SPG21: variants seen among roughly 807,000 people sequenced by gnomAD.
SPG21 encodes the protein maspardin.
SPG21 carries 26 observed loss-of-function variants against 38.9 expected under a neutral mutation model. That is an observed-to-expected ratio of 0.67 (90% confidence interval 0.49 to 0.93). The LOEUF is 0.93. Ranked by LOEUF, SPG21 falls within the 40% of genes least tolerant of loss-of-function variation. The pLI is 0.00. For missense variants in SPG21, 333 were observed against 376.5 expected, an observed-to-expected ratio of 0.88 and a Z score of 0.96; for synonymous variants, 136 against 128.9, an observed-to-expected ratio of 1.05 and a Z score of -0.37.
At chr15:64,989,039 G>C (rs1053260962) in intron 1 of SPG21, 2 of 151,504 alleles carry the variant, frequency 1.3e-5, no homozygotes, top group African/African-American at 4.9e-5. Context: ...GTGCCAAAAG[G>C]AGCTGAACCA....
intron 1 of SPG21, chr15:64,989,141 C>T (rs2086063316): frequency 6.6e-6 from 1 of 152,190 alleles, no homozygotes; most frequent in African/African-American, 2.4e-5. Context: ...TCCGGTCCCG[C>T]TCTGTTCCTC....
Position 64,974,733 on chromosome 15 carries a change from G to A in SPG21, c.321C>T (p.Gly107=), listed in dbSNP as rs566278586. 5.2e-5 allele frequency: 84 copies of A among 1,614,038 alleles called. No individual in the cohort carries two copies. In the East Asian group the frequency reaches 5.6e-4, roughly 11 times the overall value. Residue 107 remains glycine, a synonymous_variant, in exon 5 of 9, where the codon GGC becomes GGT. Coordinates refer to ENST00000204566, the MANE Select transcript of SPG21 (RefSeq NM_016630.7). ...GGGCCAAAAAGCCTCCCAAAGAAGC[G>A]CCAAAAAGATGAACCTAATTATAAA... ...HLQLDKVHLF[G]ASLGGFLAQK... is the part of the protein sequence containing the mutation.
At chr15:64,987,988 C>A (rs1389708739) in intron 1 of SPG21, among the ~76,000 whole-genome samples, 3 of 152,228 alleles carry the variant, frequency 2.0e-5, no homozygotes, top group African/African-American at 7.2e-5. Flanking sequence ...GAGCCGAGAT[C>A]ACGCCATTGC....
At chr15:64,985,984 C>A (rs950960368) in intron 1 of SPG21, among the ~76,000 whole-genome samples, 1 of 152,194 alleles carries the variant, frequency 6.6e-6, no homozygotes, top group African/African-American at 2.4e-5. Flanking sequence ...CCAAGAAAAT[C>A]ATCAGCCAGT....
At chr15:64,982,142 CTTTTTTTTTTTT>C (rs56118434) in intron 2 of SPG21, among the ~76,000 whole-genome samples, 3 of 114,626 alleles carry the variant, frequency 2.6e-5, no homozygotes, top group African/African-American at 1.0e-4. Flanking sequence ...CTTTTCTTTT[CTTTTTTTTTTTT>C]TTTTTTTTGA....
At chr15:64,988,464 G>T (rs939702441) in intron 1 of SPG21, among the ~76,000 whole-genome samples, 1 of 152,194 alleles carries the variant, frequency 6.6e-6, no homozygotes, top group Non-Finnish European at 1.5e-5. Flanking sequence ...GAAGCTGAGA[G>T]TCTCTGGGAG....
intron 5 of SPG21, among the ~76,000 whole-genome samples, chr15:64,973,986 G>A (rs1421495976): frequency 2.6e-5 from 1 of 38,166 alleles, no homozygotes; most frequent in African/African-American, 5.0e-5. Context: ...ACACGGAACT[G>A]TTTACACATA....
chr15:64,970,328 T>G lies in SPG21; in HGVS notation c.453-106A>C, dbSNP rs1040661805. The stretch of plus-strand genomic sequence containing the variant: ...TAGCTTGGGATCTAGAAATAAAAAG[T>G]CCTAATCCCCTCCTCCAAAGAGCTC... On this transcript the variant is annotated intron_variant, in intron 5 of 8. Transcript: ENST00000204566. 1.0e-5 allele frequency: 10 copies of G among 965,802 alleles called. No individual in the cohort carries two copies. In the African/African-American group the frequency reaches 1.5e-4, roughly 14 times the overall value. The allele number at this position is 965,802 out of a possible 1,614,324, so 59.8% of individuals were successfully genotyped here. A position where few individuals can be genotyped will look rare whatever the true frequency, so the allele number is the denominator to read the frequency against.
At chr15:64,963,867 C>T (rs1368396740) in intron 8 of SPG21, 131 bp from the exon 9 acceptor site, 2 of 722,782 alleles carry the variant, frequency 2.8e-6, no homozygotes, top group East Asian at 3.1e-5. Flanking sequence ...CCCAATTCTC[C>T]TGCCTCAGCC....
rs1177939598 is a variant in SPG21 at position 64,974,653 on chromosome 15, C to T, written c.401G>A (p.Cys134Tyr). 1.2e-6 allele frequency: 2 copies of T among 1,614,032 alleles called. No homozygotes were observed. Among genetic ancestry groups the T allele is most frequent in the Admixed American group, 1.7e-5 (1 of 60,000 alleles). Residue 134 changes from cysteine to tyrosine, a missense_variant, in exon 5 of 9, where the codon TGC becomes TAC. Coordinates refer to ENST00000204566, the MANE Select transcript of SPG21 (RefSeq NM_016630.7). Reference protein sequence around the residue: ...KSPRVHSLILCNSFSDTSIFN... With the variant: ...KSPRVHSLILYNSFSDTSIFN... ...GATAGAGGTGTCACTGAAGGAATTGCAGAGGATTAGGGAATGGACTCTAGG... is the reference window on the plus strand; with the variant it reads ...GATAGAGGTGTCACTGAAGGAATTGTAGAGGATTAGGGAATGGACTCTAGG...
In SPG21 at chr15:64,988,153, C is replaced by T. The variant is rs552421553; in HGVS notation, c.-25+1512G>A. The stretch of plus-strand genomic sequence containing the variant: ...AGGAGAATTGCTTGAACCTGGGTGG[C>T]GGAGGTTGCAGTGAGCTGAGATCAC... On this transcript the variant is annotated intron_variant, in intron 1 of 8. Transcript: ENST00000204566. 3.3e-4 allele frequency among the ~76,000 whole-genome samples: 50 copies of T among 152,116 alleles called. 1 individual carries two copies. The South Asian group carries it at 9.1e-3, about 28-fold the overall frequency.
intron 1 of SPG21, chr15:64,989,053 T>C (rs1043619521): frequency 6.0e-5 from 9 of 151,216 alleles, no homozygotes; most frequent in African/African-American, 1.9e-4. Flanking sequence ...TGAACCAGTG[T>C]AGGTGGAGAC....
chr15:64,975,811 A>G (rs2085762074), intron 4 of SPG21, among the ~76,000 whole-genome samples: 1 of 152,346 alleles, frequency 6.6e-6, no homozygotes, highest in East Asian at 1.9e-4. Context: ...CGGCTTCAAC[A>G]TGAATGAACC....
chr15:64,981,170 A>G (rs2085878142), intron 2 of SPG21, 145 bp from the exon 3 acceptor site: 6 of 861,804 alleles, frequency 7.0e-6, no homozygotes, highest in Non-Finnish European at 1.1e-5. Flanking sequence ...ATTAGCATGC[A>G]TGACAAACTC....
At chr15:64,981,073 T>A (rs779020545) in intron 2 of SPG21, 48 bp from the exon 3 acceptor site, 43 of 1,610,606 alleles carry the variant, frequency 2.7e-5, no homozygotes, top group Non-Finnish European at 3.7e-5. Context: ...ATAAATTTGC[T>A]TTTTATGTTA....
At chr15:64,969,206 T>C (rs1195137703) in intron 7 of SPG21, 49 bp downstream of exon 7, 1 of 1,239,074 alleles carries the variant, frequency 8.1e-7, no homozygotes, top group East Asian at 2.3e-5. Context: ...GATCTTGACA[T>C]ACACATTTTA....
chr15:64,976,956 T>G (rs1470481726), intron 3 of SPG21, among the ~76,000 whole-genome samples: 1 of 152,250 alleles, frequency 6.6e-6, no homozygotes, highest in Non-Finnish European at 1.5e-5. Context: ...AAATTTGTTC[T>G]AAGGAGAGCT....
At chr15:64,978,288 A>C (rs2085824793) in intron 3 of SPG21, among the ~76,000 whole-genome samples, 1 of 151,928 alleles carries the variant, frequency 6.6e-6, no homozygotes, top group African/African-American at 2.4e-5. Context: ...TCTCTACTAA[A>C]AAATACAAAA....
intron 3 of SPG21, among the ~76,000 whole-genome samples, chr15:64,979,218 G>A (rs2085840236): frequency 6.6e-6 from 1 of 152,180 alleles, no homozygotes; most frequent in African/African-American, 2.4e-5. Context: ...CAGAAGCCAA[G>A]GCTCTCATGA....
Sources: gnomAD v4.1 joint callset for allele counts (sites outside exome capture counted in the v4.1 genomes callset) on GRCh38, gnomAD v4.1.1 for gene constraint, MANE v1.5 for transcripts, NCBI Gene and HGNC (gene_info 2026-07-23, HGNC 2026-07-21) for gene names.